Variants in FSCN2 observed in about 807,000 individuals in gnomAD.
FSCN2 encodes fascin-2.
Under a neutral mutation model 37.8 loss-of-function variants are expected in FSCN2, and 46 were observed. That is an observed-to-expected ratio of 1.22 (90% CI 0.96 to 1.56). FSCN2 has a LOEUF of 1.56. Among genes scored for constraint, FSCN2 ranks in the 40% most tolerant of loss-of-function variants. The probability of loss-of-function intolerance (pLI) is 0.00; values close to 1 mark genes in which losing one functional copy is unlikely to be tolerated. For synonymous variants in FSCN2, 351 were observed against 309.4 expected, an observed-to-expected ratio of 1.13 and a Z score of -1.41; for missense variants, 844 against 730.4, an observed-to-expected ratio of 1.16 and a Z score of -1.79.
upstream of FSCN2, among the ~76,000 whole-genome samples, chr17:81,524,949 C>G (rs2143832189): frequency 6.7e-6 from 1 of 150,162 alleles, no homozygotes; most frequent in African/African-American, 2.5e-5. Context: ...CAACGCTGCA[C>G]CCATGGGCAG....
chr17:81,531,465 ATGGTGGTGGTGGTGATGG>A (rs2032590170), intron 1 of FSCN2, among the ~76,000 whole-genome samples: 5 of 71,724 alleles, frequency 7.0e-5, no homozygotes, highest in African/African-American at 3.0e-4. Flanking sequence ...GATGGTGATG[ATGGTGGTGGTGGTGATGG>A]TGATGATGGT....
Position 81,537,053 on chromosome 17 carries a change from G to T in FSCN2, c.1452G>T (p.Pro484=). 1.4e-6 allele frequency: 2 copies of T among 1,466,082 alleles called. No homozygotes were observed. The highest frequency in any genetic ancestry group is 2.6e-5 in the Admixed American group (1 of 38,278). 90.8% of individuals were successfully genotyped at this position (1,466,082 alleles called of 1,614,324 possible). Residue 484 remains proline (P), a synonymous_variant, in exon 5 of 5, where the codon CCG becomes CCT. Transcript: ENST00000417245. ...SGLLRADADA[P]AGTALWEY ...TGCTGCGGGCCGATGCCGACGCCCC[G>T]GCCGGGACCGCGCTTTGGGAGTACT... is the stretch of plus-strand genomic sequence containing the variant.
upstream of FSCN2, chr17:81,528,326 C>G: frequency 3.4e-6 from 2 of 585,130 alleles, no homozygotes; most frequent in South Asian, 4.0e-5. Flanking sequence ...CCCGCCCGCC[C>G]TCTGCTGCCC....
chr17:81,528,369 C>T (rs997999562), upstream of FSCN2: 5 of 605,782 alleles, frequency 8.3e-6, no homozygotes, highest in Admixed American at 5.9e-5. Context: ...AGGCTGCTGC[C>T]GCGGGTCAGA....
chr17:81,519,291 G>C, the FSCN2 span, among the ~76,000 whole-genome samples: 3 of 152,130 alleles, frequency 2.0e-5, no homozygotes, highest in Admixed American at 6.5e-5. Context: ...CGCAGGGCGC[G>C]GGCCTGGGCC....
upstream of FSCN2, among the ~76,000 whole-genome samples, chr17:81,524,504 G>C (rs1165218220): frequency 2.0e-5 from 3 of 152,240 alleles, no homozygotes; most frequent in Non-Finnish European, 4.4e-5. Context: ...CAGTGTGGCA[G>C]CGCCTTTGAA....
chr17:81,527,405 C>T (rs1025615081), upstream of FSCN2: 2 of 152,416 alleles, frequency 1.3e-5, no homozygotes, highest in Non-Finnish European at 2.9e-5. Flanking sequence ...GGCCCCAAGC[C>T]CCTGAGGCAG....
intron 1 of FSCN2, among the ~76,000 whole-genome samples, chr17:81,531,704 GATGATA>G (rs2032621959): frequency 3.8e-5 from 5 of 131,406 alleles, no homozygotes; most frequent in East Asian, 4.6e-4. Flanking sequence ...TGATGGTGAT[GATGATA>G]GTGATGGTGG....
chr17:81,523,884 C>T (rs1026722877), upstream of FSCN2: 3 of 152,518 alleles, frequency 2.0e-5, no homozygotes, highest in East Asian at 5.8e-4. Flanking sequence ...CCAGCTCACA[C>T]CACCAGCATC....
At chr17:81,534,950 T>G in intron 1 of FSCN2, 102 bp from the exon 2 acceptor site, 13 of 793,720 alleles carry the variant, frequency 1.6e-5, no homozygotes, top group Non-Finnish European at 2.1e-5. Context: ...GGGTTCTAGA[T>G]GAGACCCACC....
rs1568077024 is a variant in FSCN2 at position 81,531,285 on chromosome 17, G to GTGA, written c.826+1931_826+1933dup. 2.7e-3 allele frequency among the ~76,000 whole-genome samples: 177 copies of GTGA among 66,044 alleles called. 3 individuals carry two copies. The highest frequency in any genetic ancestry group is 0.011 in the African/African-American group (159 of 14,104). 43.3% of individuals were successfully genotyped at this position (66,044 alleles called of 152,430 possible). A position where few individuals can be genotyped will look rare whatever the true frequency, so the allele number is the denominator to read the frequency against. On this transcript the variant is annotated intron_variant, in intron 1 of 4. Transcript: ENST00000417245. ...GATGGTGGTGATGGCGGTGGTGATG[G>GTGA]TGATGGTGGTGATGGTGATGGTGGT...
chr17:81,536,991 C>G lies in FSCN2; in HGVS notation c.1390C>G (p.Arg464Gly), dbSNP rs758903366. Residue 464 changes from arginine to glycine, a missense_variant, in exon 5 of 5, where the codon CGG becomes GGG. Physicochemically the swap from Arg to Gly is moderately radical, Grantham distance 125 (BLOSUM62 -2). Coordinates refer to ENST00000417245, the MANE Select transcript of FSCN2 (RefSeq NM_012418.4). ...RERGRLAIRA[R>G]SGKYLRGGAS... ...GCGCGGCCGCCTGGCCATCCGCGCC[C>G]GGAGCGGCAAGTACCTGCGCGGCGG... 5 of 1,526,430 alleles carry G rather than the reference C, an allele frequency of 3.3e-6. No homozygotes were observed. In the Admixed American group the frequency reaches 6.1e-5, roughly 19 times the overall value. The allele number at this position is 1,526,430 out of a possible 1,614,324, so 94.6% of individuals were successfully genotyped here. A position where few individuals can be genotyped will look rare whatever the true frequency, so the allele number is the denominator to read the frequency against.
chr17:81,526,618 A>G (rs1490502372), upstream of FSCN2, among the ~76,000 whole-genome samples: 1 of 152,196 alleles, frequency 6.6e-6, no homozygotes, highest in Non-Finnish European at 1.5e-5. Flanking sequence ...GCGAGACCCT[A>G]TTTCAAGAAA....
chr17:81,536,545 C>T, intron 3 of FSCN2, 77 bp from the exon 4 acceptor site: 1 of 1,578,516 alleles, frequency 6.3e-7, no homozygotes, highest in South Asian at 1.1e-5. Context: ...TGTGGCGTTT[C>T]CCAGGGCCCC....
intron 1 of FSCN2, chr17:81,529,565 G>T: frequency 1.3e-6 from 1 of 758,260 alleles, no homozygotes; most frequent in Non-Finnish European, 2.4e-6. Context: ...CCACTGAGGG[G>T]TGGTGGCTTC....
chr17:81,530,287 G>A (rs1302729434), intron 1 of FSCN2: 2 of 282,030 alleles, frequency 7.1e-6, no homozygotes, highest in Admixed American at 1.1e-4. Context: ...AGCTTTACCC[G>A]GGGCCTGGGC....
At chr17:81,531,461 GAT>G (rs1364826041) in intron 1 of FSCN2, among the ~76,000 whole-genome samples, 1 of 140,570 alleles carries the variant, frequency 7.1e-6, no homozygotes, top group Non-Finnish European at 1.6e-5. Context: ...TGGTGATGGT[GAT>G]GATGGTGGTG....
In FSCN2 at chr17:81,535,142, A is replaced by G. The variant is rs1037534914; in HGVS notation, c.917A>G (p.Tyr306Cys). Residue 306 changes from tyrosine to cysteine, a missense_variant, in exon 2 of 5, where the codon TAT becomes TGT. Transcript: ENST00000417245. Reference protein sequence around the residue: ...IDQETKKCTFYSSTGGYWTLV... With the variant: ...IDQETKKCTFCSSTGGYWTLV... ...CAGGAGACAAAGAAGTGCACCTTCT[A>G]TTCCAGCACTGGGGGCTACTGGACC... 2.0e-6 allele frequency: 3 copies of G among 1,534,038 alleles called. No individual in the cohort carries two copies. Among genetic ancestry groups the G allele is most frequent in the East Asian group, 4.9e-5 (2 of 40,786 alleles).
In FSCN2 at chr17:81,536,743, C is replaced by A; in HGVS notation, c.1227C>A (p.Tyr409Ter). Residue 409 changes from tyrosine to a stop codon, truncating the protein, a stop_gained, in exon 4 of 5, where the codon TAC (tyrosine) becomes TAA (stop). Coordinates refer to ENST00000417245, the MANE Select transcript of FSCN2 (RefSeq NM_012418.4). LOFTEE classifies it low-confidence loss of function (END_TRUNC). ...AGCTGGACACCAACCGCTCCGTCTA[C>A]GACGTCTTCCACCTGAGCTTCAGCG... ...SNQLDTNRSVYDVFHLSFSDG... is the reference protein window; with the variant it reads ...SNQLDTNRSV The A allele has an allele frequency of 6.2e-7, 1 of 1,610,574 alleles. No individual in the cohort carries two copies. The highest frequency in any genetic ancestry group is 8.5e-7 in the Non-Finnish European group (1 of 1,179,092).
Sources: allele counts gnomAD v4.1 joint callset (sites outside exome capture counted in the v4.1 genomes callset), GRCh38; gene constraint gnomAD v4.1.1; transcripts MANE v1.5; gene names NCBI Gene and HGNC (gene_info 2026-07-23, HGNC 2026-07-21).